Variants in MEGF10 observed in about 807,000 individuals in gnomAD.
MEGF10 encodes multiple EGF like domains 10.
In MEGF10, 86 loss-of-function variants were observed where a neutral mutation model predicts 147.5. The observed-to-expected ratio is 0.58, with a 90% CI of 0.49 to 0.70. The LOEUF is 0.70. Ranked by LOEUF, MEGF10 falls within the 30% of genes least tolerant of loss-of-function variation. MEGF10 has a pLI of 0.00. For synonymous variants in MEGF10, 478 were observed against 525.5 expected (o/e 0.91, Z 1.24); for missense variants, 1,329 against 1,487.3 (o/e 0.89, Z 1.75).
chr5:127,402,401 A>G (rs1240711716), intron 7 of MEGF10, 145 bp from the exon 8 acceptor site: 1 of 799,204 alleles, frequency 1.3e-6, no homozygotes, highest in East Asian at 2.6e-5. Context: ...TGAACAGTTT[A>G]TGTGCTCTAA....
chr5:127,379,594 CTTTTTTTTTTTT>C (rs36030791), intron 5 of MEGF10, among the ~76,000 whole-genome samples: 1 of 90,380 alleles, frequency 1.1e-5, no homozygotes, highest in African/African-American at 4.2e-5. Context: ...TGGCCAGCTT[CTTTTTTTTTTTT>C]TTTTTTTTTT....
At chr5:127,331,515 G>C (rs1290252437) in intron 2 of MEGF10, 91 bp downstream of exon 2, 2 of 738,858 alleles carry the variant, frequency 2.7e-6, no homozygotes, top group African/African-American at 1.8e-5. Context: ...ATTAGAATTT[G>C]TGAAGAGATT....
Position 127,410,529 on chromosome 5 carries a change from G to A in MEGF10, c.1058G>A (p.Arg353His), listed in dbSNP as rs146940427. ...TTTGCTGGCGAGCGCTGCGAAGCAC[G>A]CCTGTGTCCTGAGGGGCTCTACGGC... The part of the protein sequence containing the change: ...AGFAGERCEA[R>H]LCPEGLYGIK... Residue 353 changes from arginine to histidine, a missense_variant, in exon 9 of 25, where the codon CGC becomes CAC. This residue lies in a region of MEGF10 where 980 missense variants were observed against 1,085.9 expected (regional missense o/e 0.90). Coordinates refer to ENST00000503335, the MANE Select transcript of MEGF10 (RefSeq NM_001256545.2). 62 of 1,613,698 alleles carry A rather than the reference G, an allele frequency of 3.8e-5. No homozygotes were observed. Among genetic ancestry groups the A allele is most frequent in the South Asian group, 7.7e-5 (7 of 91,064 alleles).
At chr5:127,357,588 A>AAATAAATAAATAAATAAAT (rs1762322674) in intron 4 of MEGF10, among the ~76,000 whole-genome samples, 1 of 132,592 alleles carries the variant, frequency 7.5e-6, no homozygotes, top group Non-Finnish European at 1.6e-5. Context: ...ACCCTGCCTC[A>AAATAAATAAATAAATAAAT]AAATAAATAA....
chr5:127,364,776 A>ACTCCTGG (rs1179832925), intron 4 of MEGF10, among the ~76,000 whole-genome samples: 1 of 151,574 alleles, frequency 6.6e-6, no homozygotes, highest in African/African-American at 2.4e-5. Context: ...CTGACTCCTG[A>ACTCCTGG]CTCCTGGCCA....
intron 8 of MEGF10, among the ~76,000 whole-genome samples, chr5:127,403,147 A>G (rs1764192525): frequency 6.6e-6 from 1 of 152,186 alleles, no homozygotes; most frequent in Middle Eastern, 3.2e-3. Context: ...GCTGGAACTT[A>G]TAGGGCCCTC....
At chr5:127,385,660 C>T (rs1313527508) in intron 5 of MEGF10, among the ~76,000 whole-genome samples, 3 of 152,220 alleles carry the variant, frequency 2.0e-5, no homozygotes, top group African/African-American at 7.2e-5. Flanking sequence ...AAGCGGACAT[C>T]TCTTTCCCTA....
At chr5:127,433,875 A>T (rs1212167844) in intron 14 of MEGF10, among the ~76,000 whole-genome samples, 1 of 152,224 alleles carries the variant, frequency 6.6e-6, no homozygotes, top group Non-Finnish European at 1.5e-5. Flanking sequence ...GCCTTACCTC[A>T]ATTACCAGAC....
At chr5:127,345,975 A>T (rs960749645) in intron 4 of MEGF10, among the ~76,000 whole-genome samples, 1 of 152,134 alleles carries the variant, frequency 6.6e-6, no homozygotes, top group African/African-American at 2.4e-5. Context: ...GAGTGACTTC[A>T]CTTAGAATAA....
At chr5:127,301,668 C>A (rs1051803136) in intron 1 of MEGF10, among the ~76,000 whole-genome samples, 1 of 152,170 alleles carries the variant, frequency 6.6e-6, no homozygotes, top group African/African-American at 2.4e-5. Context: ...TGACTTTGGG[C>A]AGGCTACTCA....
chr5:127,388,580 C>G lies in MEGF10; in HGVS notation c.413-7952C>G, dbSNP rs947090431. 4.6e-5 allele frequency among the ~76,000 whole-genome samples: 7 copies of G among 151,552 alleles called. No homozygotes were observed. In the East Asian group the frequency reaches 1.4e-3, roughly 29 times the overall value. On this transcript the variant is annotated intron_variant, in intron 5 of 24. Coordinates refer to ENST00000503335, the MANE Select transcript of MEGF10 (RefSeq NM_001256545.2). ...TTATTTTTTGAGGCAGAGTCTGGCT[C>G]TGTCGCCCAGGCTGGAGTGCAGTGG...
intron 5 of MEGF10, among the ~76,000 whole-genome samples, chr5:127,376,222 G>A (rs1049099287): frequency 6.6e-6 from 1 of 152,166 alleles, no homozygotes; most frequent in East Asian, 1.9e-4. Context: ...TAGAGAGTTA[G>A]TAAGAAGTAA....
intron 1 of MEGF10, among the ~76,000 whole-genome samples, chr5:127,309,989 C>CTTTCTT (rs1554089022): frequency 1.3e-5 from 1 of 77,428 alleles, no homozygotes; most frequent in Non-Finnish European, 3.0e-5. Flanking sequence ...TTCTTTCTTT[C>CTTTCTT]TTTCTTTCCT....
chr5:127,452,943 G>C (rs566836488), intron 22 of MEGF10, among the ~76,000 whole-genome samples: 27 of 152,278 alleles, frequency 1.8e-4, no homozygotes, highest in South Asian at 8.3e-4. Context: ...GTGCCTGAGA[G>C]AGGAAAATAT....
At chr5:127,434,658 A>T in intron 14 of MEGF10, 29 bp from the exon 15 acceptor site, 5 of 1,588,474 alleles carry the variant, frequency 3.1e-6, no homozygotes, top group Non-Finnish European at 4.3e-6. Context: ...TCTCAGAAGG[A>T]TAACTGCTGA....
Position 127,461,148 on chromosome 5 carries a change from C to T in MEGF10, c.*3830C>T, listed in dbSNP as rs868835321. On this transcript the variant is annotated 3_prime_UTR_variant, in exon 25 of 25. Transcript: ENST00000503335. The stretch of plus-strand genomic sequence containing the variant: ...TTTTCCAAAGATGATAAACTTTCAT[C>T]GTTCTTAGCCTACATTGTCATTTAT... 2.6e-5 allele frequency: 4 copies of T among 152,118 alleles called. No individual in the cohort carries two copies. Among genetic ancestry groups the T allele is most frequent in the Non-Finnish European group, 5.9e-5 (4 of 68,024 alleles). The allele number at this position is 152,118 out of a possible 1,614,324, so 9.4% of individuals were successfully genotyped here. A position where few individuals can be genotyped will look rare whatever the true frequency, so the allele number is the denominator to read the frequency against.
intron 1 of MEGF10, among the ~76,000 whole-genome samples, chr5:127,291,901 T>C (rs140236917): frequency 1.3e-5 from 2 of 152,290 alleles, no homozygotes; most frequent in Admixed American, 6.5e-5. Context: ...AAAGTCAAAG[T>C]TGGAGATCTT....
chr5:127,300,609 C>G (rs1034301000), intron 1 of MEGF10, among the ~76,000 whole-genome samples: 14 of 152,074 alleles, frequency 9.2e-5, no homozygotes, highest in African/African-American at 3.4e-4. Flanking sequence ...TTTTTTCTGT[C>G]TGCATTTTAC....
chr5:127,284,372 C>G, the MEGF10 span, among the ~76,000 whole-genome samples: 1 of 152,062 alleles, frequency 6.6e-6, no homozygotes, highest in African/African-American at 2.4e-5. Context: ...CTTTAAGGCT[C>G]CTGAACACTT....
Sources: allele counts gnomAD v4.1 joint callset (sites outside exome capture counted in the v4.1 genomes callset), GRCh38; gene constraint gnomAD v4.1.1; regional missense constraint gnomAD v4.1.1; transcripts MANE v1.5; gene names NCBI Gene and HGNC (gene_info 2026-07-23, HGNC 2026-07-21).